Variants in CEP128 observed in about 807,000 individuals in gnomAD.
CEP128 encodes the protein centrosomal protein 128.
A neutral mutation model predicts 156.7 loss-of-function variants in CEP128; 132 were observed. The observed-to-expected ratio is 0.84, with a 90% CI of 0.73 to 0.97. CEP128 has a LOEUF of 0.97. CEP128 is among the 50% of genes least tolerant of loss of function. The pLI is 0.00. For missense variants in CEP128, 1,252 were observed against 1,281.9 expected (o/e 0.98, Z 0.36); for synonymous variants, 469 against 448.9 (o/e 1.04, Z -0.57).
At chr14:80,954,005 C>T (rs1388109728) in intron 2 of CEP128, among the ~76,000 whole-genome samples, 2 of 152,126 alleles carry the variant, frequency 1.3e-5, no homozygotes, top group African/African-American at 4.8e-5. Flanking sequence ...TGCGGTGGCT[C>T]AAGCCTGTAA....
At chr14:80,528,999 A>G (rs190586487) in intron 22 of CEP128, among the ~76,000 whole-genome samples, 2 of 152,346 alleles carry the variant, frequency 1.3e-5, no homozygotes, top group African/African-American at 4.8e-5. Context: ...AGGGCTTTAG[A>G]GTACATGTAG....
chr14:80,808,231 C>T (rs868735326), intron 13 of CEP128, among the ~76,000 whole-genome samples: 3 of 152,196 alleles, frequency 2.0e-5, no homozygotes, highest in African/African-American at 7.2e-5. Context: ...ACAGCCAATA[C>T]AGTAGCCAGA....
At chr14:80,699,999 C>T (rs773192699) in intron 19 of CEP128, among the ~76,000 whole-genome samples, 1 of 152,142 alleles carries the variant, frequency 6.6e-6, no homozygotes, top group Non-Finnish European at 1.5e-5. Flanking sequence ...GTAGGTGCTT[C>T]TAAGAACACG....
chr14:80,658,862 A>T (rs1895281902), intron 19 of CEP128, among the ~76,000 whole-genome samples: 1 of 152,176 alleles, frequency 6.6e-6, no homozygotes, highest in Admixed American at 6.5e-5. Flanking sequence ...ACCCTAGATG[A>T]ACAGTTAGCT....
rs1203121976 is a variant in CEP128 at position 80,840,751 on chromosome 14, T to G, written c.780A>C (p.Glu260Asp). ...CCCCCTCATGCTCATCTGCTTTAGC[T>G]TCTTGTTTCTTTAGTGCCTGGAATG... ...LQLQEALKKQEAKADEHEGAI... is the reference protein window; with the variant it reads ...LQLQEALKKQDAKADEHEGAI... The change falls in exon 10 of 25, where the codon GAA becomes GAC. Residue 260 changes from glutamate (E) to aspartate (D), a missense_variant. Glu to Asp is a conservative substitution (Grantham distance 45). Transcript: ENST00000555265. The G allele has an allele frequency of 6.2e-7, 1 of 1,609,876 alleles. No individual in the cohort carries two copies. The highest frequency in any genetic ancestry group is 8.5e-7 in the Non-Finnish European group (1 of 1,177,292).
At chr14:80,955,665 C>T (rs752962560) in intron 2 of CEP128, 3 of 1,613,480 alleles carry the variant, frequency 1.9e-6, no homozygotes, top group South Asian at 2.2e-5. Context: ...AGAAATAGCC[C>T]CGAGTCCCGT....
chr14:80,829,142 C>G (rs977442240), intron 13 of CEP128, among the ~76,000 whole-genome samples: 1 of 152,128 alleles, frequency 6.6e-6, no homozygotes, highest in African/African-American at 2.4e-5. Context: ...TAAACTTGTT[C>G]TAACTTAATA....
chr14:80,676,582 A>G (rs2140948305), intron 19 of CEP128, among the ~76,000 whole-genome samples: 1 of 152,296 alleles, frequency 6.6e-6, no homozygotes, highest in Admixed American at 6.5e-5. Flanking sequence ...ATGGTTGAAT[A>G]AAAGTGGTGA....
chr14:80,669,665 C>G (rs150606143), intron 19 of CEP128, among the ~76,000 whole-genome samples: 2 of 151,962 alleles, frequency 1.3e-5, no homozygotes, highest in African/African-American at 4.8e-5. Flanking sequence ...CAAAAAATAG[C>G]AATGTTGGCA....
At chr14:80,724,453 C>T (rs75692590) in intron 19 of CEP128, among the ~76,000 whole-genome samples, 2,551 of 152,070 alleles carry the variant, frequency 0.017, 161 homozygotes, top group East Asian at 0.12. Context: ...AAGTTACTTC[C>T]TTTTTCATTA....
intron 6 of CEP128, among the ~76,000 whole-genome samples, chr14:80,904,405 G>A (rs1386596318): frequency 6.6e-6 from 1 of 152,036 alleles, no homozygotes. Context: ...CAGACAGACA[G>A]GAGGAATAGG....
intron 9 of CEP128, among the ~76,000 whole-genome samples, chr14:80,842,169 T>C (rs927197365): frequency 6.6e-6 from 1 of 152,080 alleles, no homozygotes; most frequent in Non-Finnish European, 1.5e-5. Context: ...TAAAACTTTA[T>C]TTAAGTCTCC....
intron 13 of CEP128, among the ~76,000 whole-genome samples, chr14:80,828,068 G>A (rs1001583858): frequency 6.6e-5 from 10 of 151,410 alleles, no homozygotes; most frequent in African/African-American, 2.2e-4. Flanking sequence ...AGGGCAGCTG[G>A]CTTTTTCCTG....
At chr14:80,682,183 G>T (rs1456368459) in intron 19 of CEP128, among the ~76,000 whole-genome samples, 1 of 152,058 alleles carries the variant, frequency 6.6e-6, no homozygotes, top group Non-Finnish European at 1.5e-5. Context: ...GGAGATACAA[G>T]AAAAGTTTGA....
intron 13 of CEP128, chr14:80,822,497 G>A (rs1335493871): frequency 4.7e-5 from 29 of 613,592 alleles, no homozygotes; most frequent in Middle Eastern, 2.7e-4. Context: ...TGCATCCCGC[G>A]TCCACCACCT....
intron 17 of CEP128, among the ~76,000 whole-genome samples, chr14:80,759,021 A>C (rs1440763200): frequency 6.6e-6 from 1 of 152,162 alleles, no homozygotes; most frequent in Non-Finnish European, 1.5e-5. Flanking sequence ...GTGTTATGGA[A>C]AGAGAGAGAC....
intron 13 of CEP128, among the ~76,000 whole-genome samples, chr14:80,822,997 G>A (rs1476672968): frequency 1.3e-5 from 2 of 152,192 alleles, no homozygotes; most frequent in Non-Finnish European, 2.9e-5. Flanking sequence ...CTGATGTGGG[G>A]AAAACACCTT....
At chr14:80,945,773 C>G (rs12895801), upstream of CEP128, 83,575 of 152,094 alleles carry the variant, frequency 0.55, 23,628 homozygotes, top group East Asian at 0.69. Context: ...CTAACCTGCA[C>G]AGACAGAGAG....
intron 19 of CEP128, among the ~76,000 whole-genome samples, chr14:80,597,872 A>C (rs1181523207): frequency 6.7e-6 from 1 of 149,512 alleles, no homozygotes; most frequent in African/African-American, 2.5e-5. Flanking sequence ...ATGAATAACA[A>C]GTATTTGACA....
Sources: gnomAD v4.1 joint callset for allele counts (sites outside exome capture counted in the v4.1 genomes callset) on GRCh38, gnomAD v4.1.1 for gene constraint, MANE v1.5 for transcripts, NCBI Gene and HGNC (gene_info 2026-07-23, HGNC 2026-07-21) for gene names.